The following FERMT1 variants were observed in gnomAD, a reference collection of about 807,000 sequenced individuals.
FERMT1 encodes FERM domain containing kindlin 1.
FERMT1 carries 60 observed loss-of-function variants against 85.3 expected under a neutral mutation model. The observed-to-expected ratio is 0.70, with a 90% CI of 0.57 to 0.87. The LOEUF is 0.87. FERMT1 is among the 40% of genes least tolerant of loss of function. FERMT1 has a pLI of 0.00. For missense variants in FERMT1, 701 were observed against 818.9 expected, an observed-to-expected ratio of 0.86 and a Z score of 1.76; for synonymous variants, 275 against 301.1, an observed-to-expected ratio of 0.91 and a Z score of 0.90.
Position 6,079,673 on chromosome 20 carries a change from C to T in FERMT1, c.1719-96G>A, listed in dbSNP as rs60960097. Reference sequence around the variant, plus strand: ...CTTCTTAAAAATACTACCAGTATTTCTGAATCATTTCAGAGGAATGGACAA... The same window carrying T: ...CTTCTTAAAAATACTACCAGTATTTTTGAATCATTTCAGAGGAATGGACAA... On this transcript the variant is annotated intron_variant, in intron 13 of 14. Transcript: ENST00000217289. 4.0e-3 allele frequency: 4,719 copies of T among 1,183,146 alleles called. 134 individuals are homozygous for T. The African/African-American group carries it at 0.064, about 16-fold the overall frequency. 73.3% of individuals were successfully genotyped at this position (1,183,146 alleles called of 1,614,324 possible). A position where few individuals can be genotyped will look rare whatever the true frequency, so the allele number is the denominator to read the frequency against.
intron 2 of FERMT1, among the ~76,000 whole-genome samples, chr20:6,117,192 A>G (rs1365719407): frequency 6.6e-6 from 1 of 152,052 alleles, no homozygotes; most frequent in Non-Finnish European, 1.5e-5. Context: ...TCAATCTTTT[A>G]TTTTGCAAAA....
intron 6 of FERMT1, among the ~76,000 whole-genome samples, chr20:6,101,081 C>G (rs1982647080): frequency 6.6e-6 from 1 of 152,158 alleles, no homozygotes; most frequent in African/African-American, 2.4e-5. Flanking sequence ...ACAAGATGAC[C>G]TAATTTCCAT....
chr20:6,085,161 A>C lies in FERMT1; in HGVS notation c.1498T>G (p.Ser500Ala), dbSNP rs772984367. ...AGACTGGAAGCCACCTGAGATGCAG[A>C]GTTCCTGTTTTTCATCCTCAGAAAT... ...LSFLRMKNRN[S>A]ASQVASSLEN... is the part of the protein sequence containing the mutation. Residue 500 changes from serine to alanine, a missense_variant, in exon 12 of 15, where the codon TCT becomes GCT. By Grantham distance (99) the Ser-to-Ala change is moderately conservative. Coordinates refer to ENST00000217289, the MANE Select transcript of FERMT1 (RefSeq NM_017671.5). 3.1e-6 allele frequency: 5 copies of C among 1,614,054 alleles called. No individual in the cohort carries two copies. In the African/African-American group the frequency reaches 6.7e-5, roughly 22 times the overall value.
chr20:6,079,359 A>C lies in FERMT1; in HGVS notation c.1860+77T>G. 4 of 1,464,452 alleles carry C rather than the reference A, an allele frequency of 2.7e-6. No individual in the cohort carries two copies. In the South Asian group the frequency reaches 4.6e-5, roughly 17 times the overall value. 90.7% of individuals were successfully genotyped at this position (1,464,452 alleles called of 1,614,324 possible). On this transcript the variant is annotated intron_variant, in intron 14 of 14. Transcript: ENST00000217289. ...GGTCTAAATAGAAGAACACCTTTTA[A>C]AACTCAGAATAATCTGCAATTCTGA...
chr20:6,093,604 C>A (rs945835524), intron 9 of FERMT1, among the ~76,000 whole-genome samples: 19 of 152,170 alleles, frequency 1.2e-4, no homozygotes, highest in African/African-American at 4.6e-4. Flanking sequence ...TTTCCTGTAG[C>A]TCTGATTATA....
At chr20:6,113,750 G>C (rs1485200912) in intron 3 of FERMT1, among the ~76,000 whole-genome samples, 1 of 151,892 alleles carries the variant, frequency 6.6e-6, no homozygotes, top group Non-Finnish European at 1.5e-5. Context: ...TCTCCCAGGG[G>C]TCACCAGCTG....
At chr20:6,118,661 G>A (rs1983175988) in intron 2 of FERMT1, among the ~76,000 whole-genome samples, 1 of 152,202 alleles carries the variant, frequency 6.6e-6, no homozygotes, top group Non-Finnish European at 1.5e-5. Flanking sequence ...TTAAATTCTA[G>A]GTTGATAATG....
rs758985794 is a variant in FERMT1 at position 6,119,548 on chromosome 20, A to G, written c.7T>C (p.Ser3Pro). 11 of 1,613,900 alleles carry G rather than the reference A, an allele frequency of 6.8e-6. No individual in the cohort carries two copies. The African/African-American group carries it at 1.5e-4, about 22-fold the overall frequency. Reference sequence around the variant, plus strand: ...GAAGCAAATGTAAAGTCAGTGGATGACAGCATTGTGGCAAATGCTGGTGTC... The same window carrying G: ...GAAGCAAATGTAAAGTCAGTGGATGGCAGCATTGTGGCAAATGCTGGTGTC... ML[S>P]STDFTFASWE... is the part of the protein sequence containing the mutation. The change falls in exon 2 of 15, where the codon TCA becomes CCA. Residue 3 changes from serine (S) to proline (P), a missense_variant. Transcript: ENST00000217289.
In FERMT1 at chr20:6,112,421, T is replaced by C. The variant is rs1033759481; in HGVS notation, c.532+56A>G. 6 of 1,561,802 alleles carry C rather than the reference T, an allele frequency of 3.8e-6. No homozygotes were observed. The African/African-American group carries it at 8.1e-5, about 21-fold the overall frequency. On this transcript the variant is annotated intron_variant, in intron 4 of 14. Coordinates refer to ENST00000217289, the MANE Select transcript of FERMT1 (RefSeq NM_017671.5). ...GTGGGGGTGGGAGGAGAGATATATTTCTCTCTTGAGTTTTACTGTACGTTC... is the reference window on the plus strand; with the variant it reads ...GTGGGGGTGGGAGGAGAGATATATTCCTCTCTTGAGTTTTACTGTACGTTC...
In FERMT1 at chr20:6,077,109, A is replaced by G; in HGVS notation, c.*64T>C. The G allele has an allele frequency of 2.0e-6, 3 of 1,517,318 alleles. No homozygotes were observed. The highest frequency in any genetic ancestry group is 2.7e-6 in the Non-Finnish European group (3 of 1,093,512). 94.0% of individuals were successfully genotyped at this position (1,517,318 alleles called of 1,614,324 possible). A position where few individuals can be genotyped will look rare whatever the true frequency, so the allele number is the denominator to read the frequency against. On this transcript the variant is annotated 3_prime_UTR_variant, in exon 15 of 15. Coordinates refer to ENST00000217289, the MANE Select transcript of FERMT1 (RefSeq NM_017671.5). ...AATCTACATGCTGGGCACGTTAGGG[A>G]TCCCTCTGGGGAGGGGCGCCTTTGG...
intron 2 of FERMT1, among the ~76,000 whole-genome samples, chr20:6,117,500 C>T (rs1218164617): frequency 6.6e-6 from 1 of 151,070 alleles, no homozygotes; most frequent in Admixed American, 6.6e-5. Context: ...GTGGTGTAAT[C>T]TCAGCTCACT....
intron 14 of FERMT1, 80 bp from the exon 15 acceptor site, chr20:6,077,426 G>T: frequency 7.1e-7 from 1 of 1,403,754 alleles, no homozygotes; most frequent in East Asian, 2.3e-5. Flanking sequence ...ACTGGCCCCT[G>T]GAGCTGAGGG....
chr20:6,110,950 T>A (rs1043282319), intron 4 of FERMT1, among the ~76,000 whole-genome samples: 14 of 152,140 alleles, frequency 9.2e-5, no homozygotes, highest in African/African-American at 3.4e-4. Flanking sequence ...CTTTCTTTTG[T>A]TTTTTAGACG....
In FERMT1 at chr20:6,119,191, G is replaced by A. The variant is rs566109936; in HGVS notation, c.151+213C>T. ...TTGATCTCCTGACCTCAGGTGATCC[G>A]CACACCTTGGCCTCCCCAAGTGCTG... is the stretch of plus-strand genomic sequence containing the variant. On this transcript the variant is annotated intron_variant, in intron 2 of 14. Transcript: ENST00000217289. 2.2e-4 allele frequency among the ~76,000 whole-genome samples: 33 copies of A among 152,232 alleles called. No individual in the cohort carries two copies. In the South Asian group the frequency reaches 2.7e-3, roughly 12 times the overall value.
intron 13 of FERMT1, among the ~76,000 whole-genome samples, chr20:6,081,972 T>C (rs1031989316): frequency 6.6e-6 from 1 of 152,192 alleles, no homozygotes; most frequent in African/African-American, 2.4e-5. Flanking sequence ...GGGAGTTCCC[T>C]GGGCTGCTCT....
At chr20:6,106,634 G>C (rs1288143774) in intron 6 of FERMT1, among the ~76,000 whole-genome samples, 2 of 152,162 alleles carry the variant, frequency 1.3e-5, no homozygotes, top group East Asian at 3.9e-4. Flanking sequence ...GGAAGGAAGA[G>C]GCAGAAGTTC....
chr20:6,110,164 T>G, intron 5 of FERMT1, 134 bp downstream of exon 5: 1 of 762,210 alleles, frequency 1.3e-6, no homozygotes, highest in Non-Finnish European at 2.3e-6. Flanking sequence ...TCCCCTTTGT[T>G]GCTAAAATCA....
At position 6,083,219 on chromosome 20, in the gene FERMT1, A is replaced by G. The variant is rs1884648; in HGVS notation, c.1718+821T>C. ...GTGGATATGTTTTGGGAAACCATCC[A>G]TTGTATACAGTGGGGCAGAGCCATA... On this transcript the variant is annotated intron_variant, in intron 13 of 14. Transcript: ENST00000217289. 6.9e-3 allele frequency among the ~76,000 whole-genome samples: 1,053 copies of G among 152,314 alleles called. 16 individuals carry two copies. Among genetic ancestry groups the G allele is most frequent in the African/African-American group, 0.024 (994 of 41,564 alleles).
chr20:6,087,053 T>G (rs1455429007), intron 11 of FERMT1, among the ~76,000 whole-genome samples: 1 of 152,088 alleles, frequency 6.6e-6, no homozygotes, highest in African/African-American at 2.4e-5. Context: ...GGAATGTGGG[T>G]GGAAGTGACA....
Sources: allele counts gnomAD v4.1 joint callset (sites outside exome capture counted in the v4.1 genomes callset), GRCh38; gene constraint gnomAD v4.1.1; transcripts MANE v1.5; gene names NCBI Gene and HGNC (gene_info 2026-07-23, HGNC 2026-07-21).